Variants in HECTD4 observed in about 807,000 individuals in gnomAD.
HECTD4 encodes probable E3 ubiquitin-protein ligase HECTD4.
In HECTD4, 114 loss-of-function variants were observed where a neutral mutation model predicts 471.5. The ratio of observed to expected loss-of-function variants is 0.24; its 90% confidence interval spans 0.21 to 0.28. The LOEUF (loss-of-function observed/expected upper bound fraction) is 0.28, where lower values mean the gene tolerates loss of function less well. Ranked by LOEUF, HECTD4 falls within the 10% of genes least tolerant of loss-of-function variation. The pLI, the probability that HECTD4 is intolerant of heterozygous loss-of-function variation, is 1.00. For synonymous variants in HECTD4, 2,012 were observed against 2,256.0 expected (o/e 0.89, Z 3.07); for missense variants, 3,866 against 5,651.5 (o/e 0.68, Z 10.13).
intron 1 of HECTD4, among the ~76,000 whole-genome samples, chr12:112,359,458 C>T (rs991330092): frequency 4.6e-5 from 7 of 152,136 alleles, no homozygotes; most frequent in Admixed American, 1.3e-4. Flanking sequence ...CTCACTCTGT[C>T]GCCCACACTG....
At chr12:112,210,275 G>A in intron 49 of HECTD4, 23 bp from the exon 50 acceptor site, 1 of 1,602,474 alleles carries the variant, frequency 6.2e-7, no homozygotes, top group Non-Finnish European at 8.5e-7. Context: ...CCAAATGAAG[G>A]ATTTGGAAAG....
chr12:112,378,345 A>T (rs1015726261), intron 1 of HECTD4, among the ~76,000 whole-genome samples: 2 of 151,622 alleles, frequency 1.3e-5, no homozygotes, highest in African/African-American at 4.8e-5. Context: ...CAGCCTCCCG[A>T]GTAGCTGGGA....
rs1207083607 is a variant in HECTD4 at position 112,185,456 on chromosome 12, C to T, written c.9510G>A (p.Val3170=). ...FLWTTDMAAC[V]KELVFHLLAE... ...CCAGGAGATGGAAAACAAGCTCCTT[C>T]ACGCAGGCTGCCATGTCCGTGGTCC... Residue 3170 remains valine, a synonymous_variant, in exon 61 of 76, where the codon GTG becomes GTA. Coordinates refer to ENST00000682272, the MANE Select transcript of HECTD4 (RefSeq NM_001388303.1). 3.2e-6 allele frequency: 5 copies of T among 1,569,894 alleles called. No homozygotes were observed. The highest frequency in any genetic ancestry group is 1.4e-5 in the African/African-American group (1 of 73,480).
intron 4 of HECTD4, among the ~76,000 whole-genome samples, chr12:112,312,213 A>C (rs2035388097): frequency 6.6e-6 from 1 of 152,198 alleles, no homozygotes; most frequent in African/African-American, 2.4e-5. Flanking sequence ...CTTAATGGCA[A>C]CTATTTCCTG....
At chr12:112,224,309 A>G (rs1479252479) in intron 44 of HECTD4, among the ~76,000 whole-genome samples, 1 of 149,146 alleles carries the variant, frequency 6.7e-6, no homozygotes, top group Non-Finnish European at 1.5e-5. Flanking sequence ...TCTGTTGCCC[A>G]GGCTGGAGTG....
At chr12:112,186,186 T>G (rs2031855127) in intron 60 of HECTD4, among the ~76,000 whole-genome samples, 1 of 151,966 alleles carries the variant, frequency 6.6e-6, no homozygotes, top group South Asian at 2.1e-4. Flanking sequence ...TTCATGGTTT[T>G]GCCATGTTGC....
intron 27 of HECTD4, 83 bp from the exon 28 acceptor site, chr12:112,247,633 A>G: frequency 1.8e-6 from 1 of 545,768 alleles, no homozygotes; most frequent in Non-Finnish European, 3.1e-6. Flanking sequence ...AAAATTTCAG[A>G]GAAAAACCAC....
intron 7 of HECTD4, among the ~76,000 whole-genome samples, chr12:112,286,865 T>A (rs2034765693): frequency 1.3e-5 from 2 of 152,140 alleles, no homozygotes; most frequent in Admixed American, 1.3e-4. Context: ...TCTCACTACA[T>A]TTTTAGCTAC....
chr12:112,294,794 T>C (rs1005715264), intron 7 of HECTD4, among the ~76,000 whole-genome samples: 1 of 152,164 alleles, frequency 6.6e-6, no homozygotes, highest in African/African-American at 2.4e-5. Context: ...TTCTCCTTTT[T>C]ATAAAAAAAT....
Position 112,272,039 on chromosome 12 carries a change from T to C in HECTD4, c.1943-1580A>G, listed in dbSNP as rs191845308. On this transcript the variant is annotated intron_variant, in intron 11 of 75. Coordinates refer to ENST00000682272, the MANE Select transcript of HECTD4 (RefSeq NM_001388303.1). ...TTCTTGCATTTATTTTTTTTAATTT[T>C]ATCTTATTTTATTTTTTTGAGACAG... Among the ~76,000 whole-genome samples the C allele has an allele frequency of 2.6e-5, 4 of 152,302 alleles. No individual in the cohort carries two copies. In the East Asian group the frequency reaches 7.7e-4, roughly 29 times the overall value.
At chr12:112,185,557 T>A in intron 60 of HECTD4, 64 bp from the exon 61 acceptor site, 16 of 1,276,056 alleles carry the variant, frequency 1.3e-5, no homozygotes, top group Non-Finnish European at 1.7e-5. Flanking sequence ...CAGGCGCAGT[T>A]CTGAGCCTGG....
intron 53 of HECTD4, among the ~76,000 whole-genome samples, chr12:112,204,272 C>G (rs2032513413): frequency 6.6e-6 from 1 of 152,214 alleles, no homozygotes; most frequent in Admixed American, 6.5e-5. Context: ...AGCTGCCTGC[C>G]CCACTCAGCT....
At position 112,284,145 on chromosome 12, in the gene HECTD4, C is replaced by T. The variant is rs529351259; in HGVS notation, c.1336-843G>A. Among the ~76,000 whole-genome samples the T allele has an allele frequency of 6.6e-5, 10 of 152,232 alleles. No individual in the cohort carries two copies. The South Asian group carries it at 1.9e-3, about 28-fold the overall frequency. ...CACCTCATATTATTGAAGATGAACC[C>T]TTCCACTTCTGCCTCAAGTCCTGTG... On this transcript the variant is annotated intron_variant, in intron 7 of 75. Coordinates refer to ENST00000682272, the MANE Select transcript of HECTD4 (RefSeq NM_001388303.1).
chr12:112,171,540 C>T (rs1171811949), intron 67 of HECTD4, among the ~76,000 whole-genome samples: 1 of 152,216 alleles, frequency 6.6e-6, no homozygotes, highest in African/African-American at 2.4e-5. Flanking sequence ...GGGCTGTGCA[C>T]TACGTTAGTT....
intron 6 of HECTD4, among the ~76,000 whole-genome samples, chr12:112,307,419 T>C (rs944573871): frequency 2.0e-5 from 3 of 152,190 alleles, no homozygotes; most frequent in Non-Finnish European, 4.4e-5. Context: ...CCTGCTTTCT[T>C]GGACAGTGTC....
Position 112,382,346 on chromosome 12 carries a change from G to C in HECTD4, c.-218C>G. ...CGGCCCTGCCGCCGCCGCCGCCGCCGCCGCCGCCGCCGCCCTCAGGAGCAG... is the reference window on the plus strand; with the variant it reads ...CGGCCCTGCCGCCGCCGCCGCCGCCCCCGCCGCCGCCGCCCTCAGGAGCAG... On this transcript the variant is annotated 5_prime_UTR_variant, in exon 1 of 76. Transcript: ENST00000682272. 1 of 404,212 alleles carries C rather than the reference G, an allele frequency of 2.5e-6. No homozygotes were observed. Among genetic ancestry groups the C allele is most frequent in the Non-Finnish European group, 4.2e-6 (1 of 237,356 alleles). 25.0% of individuals were successfully genotyped at this position (404,212 alleles called of 1,614,324 possible). A position where few individuals can be genotyped will look rare whatever the true frequency, so the allele number is the denominator to read the frequency against.
intron 1 of HECTD4, among the ~76,000 whole-genome samples, chr12:112,374,575 T>G (rs983774350): frequency 1.3e-5 from 2 of 152,194 alleles, no homozygotes; most frequent in Non-Finnish European, 2.9e-5. Context: ...CCTATTACAG[T>G]GCTCATTAAT....
chr12:112,175,671 T>C, intron 66 of HECTD4, 65 bp downstream of exon 66: 1 of 1,559,660 alleles, frequency 6.4e-7, no homozygotes, highest in Non-Finnish European at 8.7e-7. Context: ...CCTCAGAAAT[T>C]ATGCTCTTGG....
chr12:112,162,948 T>C lies in HECTD4; in HGVS notation c.13120+94A>G. 1 of 1,032,726 alleles carries C rather than the reference T, an allele frequency of 9.7e-7. No individual in the cohort carries two copies. The highest frequency in any genetic ancestry group is 1.4e-6 in the Non-Finnish European group (1 of 691,522). The allele number at this position is 1,032,726 out of a possible 1,614,324, so 64.0% of individuals were successfully genotyped here. On this transcript the variant is annotated intron_variant, in intron 75 of 75. Coordinates refer to ENST00000682272, the MANE Select transcript of HECTD4 (RefSeq NM_001388303.1). This position sits in a 1 kb window ranked among gnomAD's most constrained non-coding sequence, Gnocchi z 5.2. The stretch of plus-strand genomic sequence containing the variant: ...TTTGGCACGTGGGGCTCCTGTTCAT[T>C]GTTCTCCCTTCACATGGGGCCTGGC...
Sources: gnomAD v4.1 joint callset for allele counts (sites outside exome capture counted in the v4.1 genomes callset) on GRCh38, gnomAD v4.1.1 for gene constraint, Gnocchi (gnomAD v3.1) non-coding constraint, MANE v1.5 for transcripts, NCBI Gene and HGNC (gene_info 2026-07-23, HGNC 2026-07-21) for gene names.